MEF2C: variants seen among roughly 807,000 people sequenced by gnomAD.
The protein encoded by MEF2C is myocyte-specific enhancer factor 2C.
In MEF2C, 6 loss-of-function variants were observed where a neutral mutation model predicts 50.5. That is an observed-to-expected ratio of 0.12 (90% CI 0.07 to 0.23). The LOEUF is 0.23. Among genes scored for constraint, MEF2C ranks in the 10% least tolerant of loss-of-function variants. MEF2C has a pLI of 1.00. For missense variants in MEF2C, 276 were observed against 605.0 expected (o/e 0.46, Z 5.70); for synonymous variants, 183 against 228.0 (o/e 0.80, Z 1.78).
chr5:88,783,680 G>T (rs1390752417), intron 3 of MEF2C, among the ~76,000 whole-genome samples: 3 of 152,102 alleles, frequency 2.0e-5, no homozygotes, highest in Admixed American at 6.6e-5. Flanking sequence ...TAAGTAATTT[G>T]CCCAAGGACA....
intron 3 of MEF2C, among the ~76,000 whole-genome samples, chr5:88,770,630 A>G (rs1210617803): frequency 6.6e-6 from 1 of 152,036 alleles, no homozygotes; most frequent in African/African-American, 2.4e-5. Flanking sequence ...AGCAAATGTC[A>G]CAATGTACTT....
At chr5:88,736,171 CT>C in intron 6 of MEF2C, 1 of 985,400 alleles carries the variant, frequency 1.0e-6, no homozygotes, top group Non-Finnish European at 1.2e-6. Context: ...ACCATCTTAG[CT>C]TTGGCTTCCA....
chr5:88,900,487 T>G (rs1412734353), intron 1 of MEF2C, among the ~76,000 whole-genome samples: 1 of 151,924 alleles, frequency 6.6e-6, no homozygotes, highest in Admixed American at 6.6e-5. Flanking sequence ...TTTGATAATT[T>G]TTTTATTTCT....
chr5:88,736,212 C>T lies in MEF2C; in HGVS notation c.638-4311G>A. The T allele has an allele frequency of 1.3e-5, 5 of 393,674 alleles. 2 individuals are homozygous for T. The highest frequency in any genetic ancestry group is 1.6e-5 in the Non-Finnish European group (5 of 316,274). 24.4% of individuals were successfully genotyped at this position (393,674 alleles called of 1,614,324 possible). A position where few individuals can be genotyped will look rare whatever the true frequency, so the allele number is the denominator to read the frequency against. Reference sequence around the variant, plus strand: ...CATTTGAATAAATATTTCAGCAACTCGGCCGGGCGCGGTGGCTCACGCCTG... The same window carrying T: ...CATTTGAATAAATATTTCAGCAACTTGGCCGGGCGCGGTGGCTCACGCCTG... On this transcript the variant is annotated intron_variant, in intron 6 of 10. Transcript: ENST00000504921.
chr5:88,831,916 A>C (rs1175411416), intron 1 of MEF2C, among the ~76,000 whole-genome samples: 3 of 152,132 alleles, frequency 2.0e-5, no homozygotes, highest in African/African-American at 7.2e-5. Flanking sequence ...AGCAATCATT[A>C]AATGATCCCA....
intron 1 of MEF2C, among the ~76,000 whole-genome samples, chr5:88,845,141 T>A (rs1393432636): frequency 6.6e-6 from 1 of 152,230 alleles, no homozygotes; most frequent in African/African-American, 2.4e-5. Context: ...TAATTTGAAC[T>A]GCATGTAAAA....
chr5:88,903,148 A>G (rs1348018394), intron 1 of MEF2C, among the ~76,000 whole-genome samples: 5 of 151,798 alleles, frequency 3.3e-5, no homozygotes, highest in Non-Finnish European at 7.4e-5. Flanking sequence ...TTTTTGCCTA[A>G]ACTTTTGAAT....
chr5:88,885,915 AAATT>A (rs1297488614), upstream of MEF2C, among the ~76,000 whole-genome samples: 1 of 152,228 alleles, frequency 6.6e-6, no homozygotes, highest in African/African-American at 2.4e-5. Context: ...TTTCAAAAAG[AAATT>A]ATTTTATTTT....
intron 1 of MEF2C, among the ~76,000 whole-genome samples, chr5:88,891,989 T>C (rs1349216382): frequency 6.6e-6 from 1 of 151,426 alleles, no homozygotes; most frequent in Non-Finnish European, 1.5e-5. Context: ...AGAGTACTTA[T>C]GAATATTAAA....
chr5:88,844,537 T>G (rs1247454054), intron 1 of MEF2C: 1 of 341,320 alleles, frequency 2.9e-6, no homozygotes, highest in Non-Finnish European at 4.1e-6. Context: ...GGTTTTTGTT[T>G]TGTTTCTGCT....
chr5:88,865,928 G>C (rs1312020914), intron 1 of MEF2C, among the ~76,000 whole-genome samples: 1 of 150,150 alleles, frequency 6.7e-6, no homozygotes, highest in Non-Finnish European at 1.5e-5. Context: ...TGGAGTCTTG[G>C]TCTGTAGCCC....
chr5:88,897,220 T>C (rs1178748339), intron 1 of MEF2C, among the ~76,000 whole-genome samples: 1 of 152,232 alleles, frequency 6.6e-6, no homozygotes, highest in Non-Finnish European at 1.5e-5. Flanking sequence ...TAACTTACAA[T>C]GAATAAGGTC....
intron 6 of MEF2C, chr5:88,733,228 T>G: frequency 1.0e-6 from 1 of 985,246 alleles, no homozygotes; most frequent in African/African-American, 1.7e-5. Context: ...GGCTTGTGAC[T>G]GGGCAGTAGG....
intron 10 of MEF2C, among the ~76,000 whole-genome samples, chr5:88,726,394 A>ATCCTTAAT (rs1276975236): frequency 6.6e-6 from 1 of 152,128 alleles, no homozygotes; most frequent in Non-Finnish European, 1.5e-5. Flanking sequence ...TAAGTATTGC[A>ATCCTTAAT]GCTTGGGATT....
intron 3 of MEF2C, among the ~76,000 whole-genome samples, chr5:88,779,458 G>A (rs1428664482): frequency 2.0e-5 from 3 of 152,112 alleles, no homozygotes; most frequent in Non-Finnish European, 2.9e-5. Flanking sequence ...AAGCCAAGCA[G>A]ATAGATAGAA....
At chr5:88,895,867 G>A (rs1002053335) in intron 1 of MEF2C, among the ~76,000 whole-genome samples, 1 of 152,144 alleles carries the variant, frequency 6.6e-6, no homozygotes, top group African/African-American at 2.4e-5. Context: ...CACTACAGCC[G>A]CCTAATCCAT....
intron 2 of MEF2C, among the ~76,000 whole-genome samples, chr5:88,805,343 C>T (rs891619339): frequency 3.3e-5 from 5 of 152,150 alleles, no homozygotes; most frequent in African/African-American, 4.8e-5. Flanking sequence ...CTGGGAAGTC[C>T]GTTAGCCATC....
At chr5:88,761,601 T>C in intron 3 of MEF2C, 1 of 339,176 alleles carries the variant, frequency 2.9e-6, no homozygotes, top group Non-Finnish European at 5.3e-6. Context: ...AATTCTTACG[T>C]GCTTCAAATA....
intron 1 of MEF2C, among the ~76,000 whole-genome samples, chr5:88,896,471 C>T (rs186071391): frequency 0.011 from 1,727 of 152,262 alleles, 13 homozygotes; most frequent in Middle Eastern, 0.031. Context: ...GAATTTGAAA[C>T]GGTTGGGGAG....
Sources: allele counts gnomAD v4.1 joint callset (sites outside exome capture counted in the v4.1 genomes callset), GRCh38; gene constraint gnomAD v4.1.1; transcripts MANE v1.5; gene names NCBI Gene and HGNC (gene_info 2026-07-23, HGNC 2026-07-21).